Variants in EML4 observed in about 807,000 individuals in gnomAD.
The protein encoded by EML4 is EMAP like 4, also known as echinoderm microtubule-associated protein-like 4.
In EML4, 72 loss-of-function variants were observed where a neutral mutation model predicts 129.0. The observed-to-expected ratio is 0.56, with a 90% CI of 0.46 to 0.68. The LOEUF (loss-of-function observed/expected upper bound fraction) is 0.68, where lower values mean the gene tolerates loss of function less well. EML4 is among the 30% of genes least tolerant of loss of function. EML4 has a pLI of 0.00. For synonymous variants in EML4, 532 were observed against 405.0 expected, an observed-to-expected ratio of 1.31 and a Z score of -3.77; for missense variants, 1,363 against 1,190.6, an observed-to-expected ratio of 1.14 and a Z score of -2.13.
chr2:42,290,916 T>C (rs1161385595), intron 11 of EML4, among the ~76,000 whole-genome samples: 1 of 151,942 alleles, frequency 6.6e-6, no homozygotes, highest in Admixed American at 6.6e-5. Flanking sequence ...TTCATAGGAG[T>C]TGACAAACTG....
intron 14 of EML4, among the ~76,000 whole-genome samples, chr2:42,302,747 T>A (rs1378892613): frequency 6.6e-6 from 1 of 152,158 alleles, no homozygotes; most frequent in Non-Finnish European, 1.5e-5. Context: ...TTGGCCAGGC[T>A]GGTCTCGAAC....
intron 2 of EML4, among the ~76,000 whole-genome samples, chr2:42,255,303 A>T (rs1282052403): frequency 1.3e-5 from 2 of 151,764 alleles, no homozygotes. Context: ...GCCAGGATGG[A>T]CTCGATCTCC....
In EML4 at chr2:42,283,000, TTTG is replaced by T. The variant is rs755917471; in HGVS notation, c.941+31_941+33del. The T allele has an allele frequency of 5.8e-6, 9 of 1,556,756 alleles. 1 individual carries two copies. The South Asian group carries it at 1.1e-4, about 19-fold the overall frequency. ...TGGTATCATTTAACATTGGTTCATT[TTTG>T]TTCTTTCAGGCCCTCATTTTGTATT... On this transcript the variant is annotated intron_variant, in intron 8 of 22. Coordinates refer to ENST00000318522, the MANE Select transcript of EML4 (RefSeq NM_019063.5).
Position 42,284,713 on chromosome 2 carries a change from A to G in EML4, c.1011+10A>G. The G allele has an allele frequency of 1.2e-6, 2 of 1,607,200 alleles. No individual in the cohort carries two copies. Among genetic ancestry groups the G allele is most frequent in the Non-Finnish European group, 8.5e-7 (1 of 1,175,008 alleles). ...GGATAAAGATGGAAGGGTGAGTGGC[A>G]TAGTGTTATGCCTTCTGTACCTAGA... On this transcript the variant is annotated intron_variant, in intron 9 of 22. Coordinates refer to ENST00000318522, the MANE Select transcript of EML4 (RefSeq NM_019063.5).
At chr2:42,327,398 T>C (rs1669864621) in intron 21 of EML4, among the ~76,000 whole-genome samples, 1 of 152,224 alleles carries the variant, frequency 6.6e-6, no homozygotes, top group Non-Finnish European at 1.5e-5. Flanking sequence ...AACTGTATGT[T>C]TACTCTTTTG....
chr2:42,216,230 CTTTTTTTTTTTTTTTT>C (rs61417977), intron 1 of EML4, among the ~76,000 whole-genome samples: 1 of 43,356 alleles, frequency 2.3e-5, no homozygotes, highest in Non-Finnish European at 3.9e-5. Context: ...CGGCCCACTT[CTTTTTTTTTTTTTTTT>C]TTTTTTTTTT....
chr2:42,228,630 C>G (rs918080172), intron 1 of EML4, among the ~76,000 whole-genome samples: 2 of 152,122 alleles, frequency 1.3e-5, no homozygotes, highest in Non-Finnish European at 2.9e-5. Flanking sequence ...GAGTATTTTG[C>G]TTTTAACAGA....
intron 4 of EML4, among the ~76,000 whole-genome samples, chr2:42,262,943 T>A (rs557018967): frequency 6.6e-6 from 1 of 152,242 alleles, no homozygotes; most frequent in South Asian, 2.1e-4. Flanking sequence ...TTAAAAAAAA[T>A]CAGGTAATAT....
intron 20 of EML4, 51 bp downstream of exon 20, chr2:42,325,605 TA>T (rs58033265): frequency 3.6e-4 from 8 of 22,018 alleles, no homozygotes; most frequent in African/African-American, 2.4e-3. Flanking sequence ...ATTATATTTA[TA>T]TATATATATA....
At chr2:42,237,653 G>A (rs767738897) in intron 1 of EML4, among the ~76,000 whole-genome samples, 2 of 152,028 alleles carry the variant, frequency 1.3e-5, no homozygotes, top group Non-Finnish European at 2.9e-5. Context: ...AAGCTTTACT[G>A]GTAACAAGTT....
intron 1 of EML4, among the ~76,000 whole-genome samples, chr2:42,170,926 A>T (rs557663878): frequency 6.6e-6 from 1 of 152,372 alleles, no homozygotes; most frequent in African/African-American, 2.4e-5. Flanking sequence ...CAATGGGCCT[A>T]TTATAGATAT....
chr2:42,268,803 G>A (rs1360256284), intron 6 of EML4, among the ~76,000 whole-genome samples: 1 of 152,112 alleles, frequency 6.6e-6, no homozygotes, highest in Non-Finnish European at 1.5e-5. Context: ...GAATCTGAAT[G>A]TCCTCAAAAT....
intron 5 of EML4, among the ~76,000 whole-genome samples, chr2:42,263,849 C>T (rs1015597170): frequency 6.6e-6 from 1 of 152,126 alleles, no homozygotes; most frequent in African/African-American, 2.4e-5. Context: ...CCTGCCTTAG[C>T]CTCCCGAGTA....
rs767192594 is a variant in EML4, at chr2:42,286,346, G to T, written c.1089G>T (p.Glu363Asp). The stretch of plus-strand genomic sequence containing the variant: ...AGATTATTGGACTTGGCACTTTTGA[G>T]CGTGGAGTAGGATGCCTGGATTTTT... Reference protein sequence around the residue: ...TLQIIGLGTFERGVGCLDFSK... With the variant: ...TLQIIGLGTFDRGVGCLDFSK... Residue 363 changes from glutamate to aspartate, a missense_variant, in exon 10 of 23, where the codon GAG becomes GAT. By Grantham distance (45) the Glu-to-Asp change is conservative. Coordinates refer to ENST00000318522, the MANE Select transcript of EML4 (RefSeq NM_019063.5). 3.7e-6 allele frequency: 6 copies of T among 1,613,402 alleles called. No homozygotes were observed.
chr2:42,288,429 C>G, intron 11 of EML4, 107 bp downstream of exon 11: 3 of 499,526 alleles, frequency 6.0e-6, no homozygotes, highest in Non-Finnish European at 1.1e-5. Flanking sequence ...GTCGCAAAAG[C>G]AGATCTACTA....
At chr2:42,210,025 G>C (rs963041810) in intron 1 of EML4, among the ~76,000 whole-genome samples, 1 of 150,172 alleles carries the variant, frequency 6.7e-6, no homozygotes, top group Non-Finnish European at 1.5e-5. Context: ...AGATCATACA[G>C]AGTTTCCACA....
chr2:42,243,058 G>A (rs942232322), intron 1 of EML4, among the ~76,000 whole-genome samples: 4 of 152,092 alleles, frequency 2.6e-5, no homozygotes, highest in Non-Finnish European at 5.9e-5. Context: ...GATTACAGTC[G>A]TGACCTGCCT....
At chr2:42,215,293 C>T (rs1041552358) in intron 1 of EML4, among the ~76,000 whole-genome samples, 1 of 152,120 alleles carries the variant, frequency 6.6e-6, no homozygotes, top group Non-Finnish European at 1.5e-5. Flanking sequence ...CTCCTGGGAT[C>T]AAGCCTGCCT....
intron 1 of EML4, among the ~76,000 whole-genome samples, chr2:42,211,788 T>A: frequency 6.6e-6 from 1 of 152,186 alleles, no homozygotes. Context: ...AAACTTAGCC[T>A]GGCAGCAAAC....
Sources: gnomAD v4.1 joint callset for allele counts (sites outside exome capture counted in the v4.1 genomes callset) on GRCh38, gnomAD v4.1.1 for gene constraint, MANE v1.5 for transcripts, NCBI Gene and HGNC (gene_info 2026-07-23, HGNC 2026-07-21) for gene names.